ASCC1: variants seen among roughly 807,000 people sequenced by gnomAD.
ASCC1 encodes activating signal cointegrator 1 complex subunit 1.
ASCC1 carries 35 observed loss-of-function variants against 46.6 expected under a neutral mutation model. The observed-to-expected ratio is 0.75, with a 90% CI of 0.57 to 0.99. The LOEUF is 0.99. Among genes scored for constraint, ASCC1 ranks in the 50% least tolerant of loss-of-function variants. The pLI, the probability that ASCC1 is intolerant of heterozygous loss-of-function variation, is 0.00. For synonymous variants in ASCC1, 143 were observed against 146.6 expected (o/e 0.98, Z 0.18); for missense variants, 376 against 428.7 (o/e 0.88, Z 1.09).
rs938226477 is a variant in ASCC1, at chr10:72,204,608, T to A, written c.213-1084A>T. 2.1e-6 allele frequency: 3 copies of A among 1,414,846 alleles called. No individual in the cohort carries two copies. The African/African-American group carries it at 4.3e-5, about 20-fold the overall frequency. The allele number at this position is 1,414,846 out of a possible 1,614,324, so 87.6% of individuals were successfully genotyped here. ...CCTTGTCATCAACGTTATTTTAACC[T>A]CTATGACTTCAATTACAGTACCCAA... On this transcript the variant is annotated intron_variant, in intron 3 of 9. Coordinates refer to ENST00000672957, the MANE Select transcript of ASCC1 (RefSeq NM_001198800.3).
chr10:72,166,049 G>A (rs73274929), intron 5 of ASCC1, among the ~76,000 whole-genome samples: 20,021 of 152,128 alleles, frequency 0.13, 4,165 homozygotes, highest in African/African-American at 0.44. Context: ...ACTTTCCCAA[G>A]GTAACACTGC....
chr10:72,193,443 AAAAC>A (rs1854850867), intron 5 of ASCC1, among the ~76,000 whole-genome samples: 1 of 105,442 alleles, frequency 9.5e-6, no homozygotes, highest in Non-Finnish European at 1.9e-5. Flanking sequence ...AATAATAAAC[AAAAC>A]ACACACACAC....
intron 5 of ASCC1, among the ~76,000 whole-genome samples, chr10:72,172,086 G>A (rs1851163766): frequency 6.6e-6 from 1 of 152,144 alleles, no homozygotes; most frequent in African/African-American, 2.4e-5. Flanking sequence ...TCTGATGTGT[G>A]TTACATTTAA....
At position 72,106,007 on chromosome 10, in the gene ASCC1, A is replaced by G. The variant is rs79306326; in HGVS notation, c.958-8557T>C. ...ATAAATGGCCAGTCCGCAACAGCACAGTGACAATCTGCTGGGGATCCCTGC... is the reference window on the plus strand; with the variant it reads ...ATAAATGGCCAGTCCGCAACAGCACGGTGACAATCTGCTGGGGATCCCTGC... On this transcript the variant is annotated intron_variant, in intron 9 of 9. Coordinates refer to ENST00000672957, the MANE Select transcript of ASCC1 (RefSeq NM_001198800.3). 7.0e-3 allele frequency among the ~76,000 whole-genome samples: 1,058 copies of G among 152,214 alleles called. 11 individuals are homozygous for G. Among genetic ancestry groups the G allele is most frequent in the African/African-American group, 0.024 (1,016 of 41,502 alleles).
At chr10:72,137,870 T>C (rs1322595640) in intron 7 of ASCC1, among the ~76,000 whole-genome samples, 1 of 151,960 alleles carries the variant, frequency 6.6e-6, no homozygotes, top group Non-Finnish European at 1.5e-5. Flanking sequence ...TCTTCTTCTT[T>C]TTTTTTTTTC....
chr10:72,103,980 G>C (rs1589160832), intron 9 of ASCC1, among the ~76,000 whole-genome samples: 1 of 152,138 alleles, frequency 6.6e-6, no homozygotes, highest in East Asian at 1.9e-4. Flanking sequence ...CCCGTGTCAT[G>C]TAAAGCTTGT....
intron 9 of ASCC1, among the ~76,000 whole-genome samples, chr10:72,120,056 G>A (rs1361518998): frequency 6.6e-6 from 1 of 152,114 alleles, no homozygotes; most frequent in African/African-American, 2.4e-5. Context: ...GGCCAACATG[G>A]TGAAATCCCA....
At position 72,111,734 on chromosome 10, in the gene ASCC1, C is replaced by T. The variant is rs895282579; in HGVS notation, c.958-14284G>A. The stretch of plus-strand genomic sequence containing the variant: ...TTGGCTCACTGCAAGCTCCACCTCC[C>T]GGGTTCATGCCATTCTCCTGCCTCA... On this transcript the variant is annotated intron_variant, in intron 9 of 9. Coordinates refer to ENST00000672957, the MANE Select transcript of ASCC1 (RefSeq NM_001198800.3). 3.9e-5 allele frequency among the ~76,000 whole-genome samples: 6 copies of T among 151,992 alleles called. No individual in the cohort carries two copies. In the East Asian group the frequency reaches 5.8e-4, roughly 15 times the overall value.
rs372961440 is a variant in ASCC1 at position 72,203,448 on chromosome 10, G to T, written c.289C>A (p.Pro97Thr). Residue 97 changes from proline (P) to threonine (T), a missense_variant, in exon 4 of 10, where the codon CCT (proline) becomes ACT (threonine). Pro to Thr is a conservative substitution (Grantham distance 38, BLOSUM62 -1). Transcript: ENST00000672957. ...ETKTSISIPK[P>T]GQDGEIVITG... ...TCACCAATTTCCCCGTCTTGTCCAGGTTTAGGAATGCTAATAGAAGTTTTG... is the reference window on the plus strand; with the variant it reads ...TCACCAATTTCCCCGTCTTGTCCAGTTTTAGGAATGCTAATAGAAGTTTTG... The T allele has an allele frequency of 6.2e-7, 1 of 1,613,176 alleles. No individual in the cohort carries two copies. Among genetic ancestry groups the T allele is most frequent in the Non-Finnish European group, 8.5e-7 (1 of 1,179,398 alleles).
intron 7 of ASCC1, among the ~76,000 whole-genome samples, chr10:72,141,033 G>T (rs1045432534): frequency 2.2e-4 from 26 of 115,746 alleles, no homozygotes; most frequent in African/African-American, 8.2e-4. Context: ...ACATCAAATT[G>T]TTTATAGATA....
chr10:72,115,909 T>A (rs1397150830), intron 9 of ASCC1, among the ~76,000 whole-genome samples: 1 of 152,208 alleles, frequency 6.6e-6, no homozygotes, highest in Non-Finnish European at 1.5e-5. Context: ...AACACTCTAA[T>A]AAGAAAGTTG....
At chr10:72,187,084 T>C (rs1853569645) in intron 5 of ASCC1, among the ~76,000 whole-genome samples, 1 of 152,160 alleles carries the variant, frequency 6.6e-6, no homozygotes, top group South Asian at 2.1e-4. Context: ...TTTCAAAACT[T>C]AGCCCCTACT....
intron 7 of ASCC1, among the ~76,000 whole-genome samples, chr10:72,134,665 C>T (rs747567624): frequency 3.3e-5 from 5 of 152,182 alleles, no homozygotes; most frequent in Non-Finnish European, 5.9e-5. Flanking sequence ...TTTAGAATCA[C>T]CTTCACTTCT....
At chr10:72,201,005 T>C (rs1301874821) in intron 4 of ASCC1, among the ~76,000 whole-genome samples, 1 of 152,192 alleles carries the variant, frequency 6.6e-6, no homozygotes, top group Admixed American at 6.6e-5. Flanking sequence ...CTCAAAGTCA[T>C]ACGCATGACC....
chr10:72,114,559 A>C (rs1359494325), intron 9 of ASCC1, among the ~76,000 whole-genome samples: 1 of 149,854 alleles, frequency 6.7e-6, no homozygotes, highest in Non-Finnish European at 1.5e-5. Flanking sequence ...CGGGAGGCGG[A>C]GCATGCAGTG....
At chr10:72,121,115 A>C (rs1251999832) in intron 9 of ASCC1, among the ~76,000 whole-genome samples, 3 of 152,250 alleles carry the variant, frequency 2.0e-5, no homozygotes, top group African/African-American at 4.8e-5. Flanking sequence ...GCAGCCAAAC[A>C]ATATATTGTC....
chr10:72,131,344 G>C (rs1002797494), intron 8 of ASCC1, among the ~76,000 whole-genome samples: 3 of 150,956 alleles, frequency 2.0e-5, no homozygotes, highest in African/African-American at 5.0e-5. Context: ...GCTTCAACCT[G>C]GGGGGCGGAG....
intron 4 of ASCC1, among the ~76,000 whole-genome samples, chr10:72,202,502 A>T (rs1220933208): frequency 6.6e-6 from 1 of 151,964 alleles, no homozygotes; most frequent in East Asian, 1.9e-4. Flanking sequence ...TTCCAGAATG[A>T]GTTTACAGTT....
chr10:72,101,823 G>C (rs1841798126), intron 9 of ASCC1, among the ~76,000 whole-genome samples: 1 of 152,090 alleles, frequency 6.6e-6, no homozygotes, highest in African/African-American at 2.4e-5. Flanking sequence ...GGGTGATGTT[G>C]AGTGTCTCAA....
Sources: gnomAD v4.1 joint callset for allele counts (sites outside exome capture counted in the v4.1 genomes callset) on GRCh38, gnomAD v4.1.1 for gene constraint, MANE v1.5 for transcripts, NCBI Gene and HGNC (gene_info 2026-07-23, HGNC 2026-07-21) for gene names.